The following PLB1 variants were observed in gnomAD, a reference collection of about 807,000 sequenced individuals.
The protein encoded by PLB1 is phospholipase B1.
PLB1 carries 242 observed loss-of-function variants against 227.4 expected under a neutral mutation model. The ratio of observed to expected loss-of-function variants is 1.06; its 90% confidence interval spans 0.96 to 1.18. The LOEUF (loss-of-function observed/expected upper bound fraction) is 1.18. PLB1 is among the 50% of genes most tolerant of loss of function. The pLI is 0.00. For synonymous variants in PLB1, 757 were observed against 682.2 expected (o/e 1.11, Z -1.71); for missense variants, 1,858 against 1,816.3 (o/e 1.02, Z -0.42).
intron 2 of PLB1, among the ~76,000 whole-genome samples, chr2:28,517,554 C>T (rs1668997432): frequency 6.6e-6 from 1 of 152,078 alleles, no homozygotes; most frequent in African/African-American, 2.4e-5. Context: ...CAAGTGTACC[C>T]AGTTTTTGGC....
At position 28,519,732 on chromosome 2, in the gene PLB1, A is replaced by C; in HGVS notation, c.212A>C (p.Lys71Thr). 1 of 1,612,290 alleles carries C rather than the reference A, an allele frequency of 6.2e-7. No individual in the cohort carries two copies. The highest frequency in any genetic ancestry group is 8.5e-7 in the Non-Finnish European group (1 of 1,178,548). Residue 71 changes from lysine to threonine, a missense_variant, in exon 4 of 58, where the codon AAA becomes ACA. By Grantham distance (78) the Lys-to-Thr change is moderately conservative. Coordinates refer to ENST00000327757, the MANE Select transcript of PLB1 (RefSeq NM_153021.5). ...CACTCTCTGAAGCCTTCTGATATTA[A>C]ATTTGTGGCAGCCATTGGCAATCTG... ...SVHSLKPSDI[K>T]FVAAIGNLEI...
At chr2:28,611,589 C>T (rs1194242393) in intron 43 of PLB1, among the ~76,000 whole-genome samples, 1 of 152,188 alleles carries the variant, frequency 6.6e-6, no homozygotes, top group Non-Finnish European at 1.5e-5. Context: ...TTGTGAGTTT[C>T]TCTCTCTCCT....
At chr2:28,634,445 C>A (rs1343290579) in intron 56 of PLB1, among the ~76,000 whole-genome samples, 2 of 152,184 alleles carry the variant, frequency 1.3e-5, no homozygotes, top group Non-Finnish European at 2.9e-5. Context: ...TCCACAGATG[C>A]CCTTGGCCCT....
intron 9 of PLB1, among the ~76,000 whole-genome samples, chr2:28,533,426 C>T (rs932112263): frequency 5.9e-5 from 9 of 152,290 alleles, no homozygotes; most frequent in African/African-American, 1.9e-4. Flanking sequence ...GGTCATTATG[C>T]ATTACTTCAT....
intron 9 of PLB1, among the ~76,000 whole-genome samples, chr2:28,537,254 G>A (rs1049804510): frequency 6.6e-6 from 1 of 152,152 alleles, no homozygotes; most frequent in Non-Finnish European, 1.5e-5. Flanking sequence ...CACTGCCTGT[G>A]TCCCCTCCGG....
Position 28,606,505 on chromosome 2 carries a change from C to T in PLB1, c.3067C>T (p.Leu1023Phe). The T allele has an allele frequency of 6.2e-7, 1 of 1,614,188 alleles. No individual in the cohort carries two copies. Among genetic ancestry groups the T allele is most frequent in the Non-Finnish European group, 8.5e-7 (1 of 1,180,016 alleles). Reference protein sequence around the residue: ...RALWTNMLEPLGSKTETLDLR... With the variant: ...RALWTNMLEPFGSKTETLDLR... ...TTTCTTCCCTGATCAGCTTGAACCA[C>T]TTGGAAGCAAAACAGAGACCCTGGA... Residue 1023 changes from leucine (L) to phenylalanine (F), a missense_variant, in exon 43 of 58, where the codon CTT becomes TTT. Coordinates refer to ENST00000327757, the MANE Select transcript of PLB1 (RefSeq NM_153021.5).
chr2:28,549,853 G>A (rs12989991), intron 15 of PLB1, among the ~76,000 whole-genome samples, 157 bp from the exon 16 acceptor site: 25,597 of 152,014 alleles, frequency 0.17, 2,586 homozygotes, highest in Non-Finnish European at 0.23. Context: ...AGTCCTTCAG[G>A]GACCAGAGAG....
chr2:28,616,968 A>G (rs1481200873), intron 44 of PLB1, among the ~76,000 whole-genome samples: 3 of 152,162 alleles, frequency 2.0e-5, no homozygotes, highest in Non-Finnish European at 4.4e-5. Flanking sequence ...CATACTCAGT[A>G]TGCATATATT....
At chr2:28,622,952 A>G (rs1249619092) in intron 49 of PLB1, among the ~76,000 whole-genome samples, 1 of 152,248 alleles carries the variant, frequency 6.6e-6, no homozygotes, top group Non-Finnish European at 1.5e-5. Flanking sequence ...CTCCCTGGCC[A>G]CGAAGAGCTT....
At chr2:28,623,376 GC>G (rs200770390) in intron 49 of PLB1, among the ~76,000 whole-genome samples, 1,771 of 152,242 alleles carry the variant, frequency 0.012, 33 homozygotes, top group African/African-American at 0.041. Context: ...AGGGGAAGAA[GC>G]GGCATTTGTA....
rs73924319 is a variant in PLB1 at position 28,630,016 on chromosome 2, C to T, written c.3819-570C>T. ...GGGAACCCTGCTCTCTCGCAGGGAA[C>T]GGCTCCTCCAGAGTCTGTCTGTATC... On this transcript the variant is annotated intron_variant, in intron 53 of 57. Coordinates refer to ENST00000327757, the MANE Select transcript of PLB1 (RefSeq NM_153021.5). 3.9e-3 allele frequency among the ~76,000 whole-genome samples: 588 copies of T among 152,272 alleles called. 5 individuals carry two copies. Among genetic ancestry groups the T allele is most frequent in the African/African-American group, 0.013 (556 of 41,540 alleles).
intron 11 of PLB1, 61 bp from the exon 12 acceptor site, chr2:28,540,305 C>A: frequency 7.1e-7 from 1 of 1,411,726 alleles, no homozygotes; most frequent in Non-Finnish European, 1.0e-6. Flanking sequence ...GGGCTGGATG[C>A]ATCCCCTTCC....
At chr2:28,574,598 T>A (rs1202142029) in intron 21 of PLB1, among the ~76,000 whole-genome samples, 1 of 147,514 alleles carries the variant, frequency 6.8e-6, no homozygotes, top group East Asian at 2.0e-4. Flanking sequence ...GGTTTCACCA[T>A]GTTGGCCAGG....
chr2:28,619,524 G>GTT (rs1054121256), intron 46 of PLB1, among the ~76,000 whole-genome samples: 9 of 47,240 alleles, frequency 1.9e-4, no homozygotes, highest in Non-Finnish European at 2.7e-4. Context: ...TCAAGGTTTT[G>GTT]TTTTTTTTTT....
intron 6 of PLB1, among the ~76,000 whole-genome samples, chr2:28,526,716 G>A (rs1490272488): frequency 6.6e-6 from 1 of 152,196 alleles, no homozygotes; most frequent in African/African-American, 2.4e-5. Flanking sequence ...AGATTACAAT[G>A]CAAGTGCTCT....
chr2:28,555,749 T>C (rs1441274562), intron 17 of PLB1, among the ~76,000 whole-genome samples: 2 of 152,118 alleles, frequency 1.3e-5, no homozygotes, highest in South Asian at 4.1e-4. Flanking sequence ...ATCCCTAGGA[T>C]TGAAAAAGGT....
At chr2:28,572,700 A>G (rs1678215784) in intron 20 of PLB1, among the ~76,000 whole-genome samples, 1 of 152,228 alleles carries the variant, frequency 6.6e-6, no homozygotes, top group African/African-American at 2.4e-5. Context: ...TGGCCTGAAT[A>G]AGCAAGACTA....
rs370606188 is a variant in PLB1, at chr2:28,612,181, C to G, written c.3130-1850C>G. ...GCAAGAAAGAAAGGATATCGGTTAC[C>G]TGTTTCAGACAGGAATGCTGAGACC... On this transcript the variant is annotated intron_variant, in intron 43 of 57. Transcript: ENST00000327757. Among the ~76,000 whole-genome samples the G allele has an allele frequency of 2.9e-3, 441 of 152,244 alleles. 2 individuals are homozygous for G. The highest frequency in any genetic ancestry group is 0.01 in the African/African-American group (418 of 41,546).
intron 9 of PLB1, among the ~76,000 whole-genome samples, chr2:28,534,421 A>G (rs78712527): frequency 0.042 from 6,427 of 152,336 alleles, 196 homozygotes; most frequent in Middle Eastern, 0.075. Context: ...AAAAAATAGA[A>G]TAGAATAAAC....
Sources: gnomAD v4.1 joint callset for allele counts (sites outside exome capture counted in the v4.1 genomes callset) on GRCh38, gnomAD v4.1.1 for gene constraint, MANE v1.5 for transcripts, NCBI Gene and HGNC (gene_info 2026-07-23, HGNC 2026-07-21) for gene names.